The following SBF2 variants were observed in gnomAD, a reference collection of about 807,000 sequenced individuals.
The protein encoded by SBF2 is myotubularin-related protein 13.
A neutral mutation model predicts 225.2 loss-of-function variants in SBF2; 112 were observed. The observed-to-expected ratio is 0.50, with a 90% CI of 0.43 to 0.58. The LOEUF is 0.58. SBF2 is among the 20% of genes least tolerant of loss of function. SBF2 has a pLI of 0.00. For synonymous variants in SBF2, 763 were observed against 773.3 expected, an observed-to-expected ratio of 0.99 and a Z score of 0.22; for missense variants, 1,996 against 2,206.2, an observed-to-expected ratio of 0.90 and a Z score of 1.91.
intron 1 of SBF2, among the ~76,000 whole-genome samples, chr11:10,285,987 G>C (rs950976564): frequency 6.6e-6 from 1 of 152,138 alleles, no homozygotes; most frequent in Non-Finnish European, 1.5e-5. Context: ...CCACAAATGA[G>C]GTATGTTAAG....
intron 2 of SBF2, among the ~76,000 whole-genome samples, chr11:10,136,719 A>G (rs1309446507): frequency 6.6e-6 from 1 of 152,224 alleles, no homozygotes; most frequent in Non-Finnish European, 1.5e-5. Flanking sequence ...GAGTTAAACT[A>G]TAGGACACTC....
chr11:10,078,752 C>G (rs557647046), intron 2 of SBF2, among the ~76,000 whole-genome samples: 21 of 152,110 alleles, frequency 1.4e-4, no homozygotes, highest in Non-Finnish European at 2.9e-4. Flanking sequence ...AGGTTGTGCA[C>G]ATGTACCCCA....
chr11:10,261,006 T>C (rs1003006378), intron 1 of SBF2, among the ~76,000 whole-genome samples: 5 of 152,012 alleles, frequency 3.3e-5, no homozygotes, highest in African/African-American at 7.3e-5. Flanking sequence ...AATTATAAAA[T>C]AGGCAAATGA....
intron 9 of SBF2, among the ~76,000 whole-genome samples, chr11:9,994,950 T>C (rs1215586077): frequency 2.0e-5 from 3 of 151,222 alleles, no homozygotes; most frequent in Non-Finnish European, 4.4e-5. Context: ...GGCAGGAGAA[T>C]AGCTTGACCC....
intron 6 of SBF2, among the ~76,000 whole-genome samples, chr11:10,010,350 C>T (rs1007971179): frequency 1.3e-5 from 2 of 152,120 alleles, no homozygotes; most frequent in African/African-American, 4.8e-5. Flanking sequence ...AGATCTTCTT[C>T]TAGGGTTTTA....
intron 3 of SBF2, among the ~76,000 whole-genome samples, chr11:10,036,668 G>C (rs543348512): frequency 1.8e-4 from 27 of 152,202 alleles, no homozygotes; most frequent in Non-Finnish European, 2.9e-4. Context: ...ATCATTAAAG[G>C]CATAAGTGGG....
chr11:10,126,052 T>A (rs1270153443), intron 2 of SBF2, among the ~76,000 whole-genome samples: 1 of 152,208 alleles, frequency 6.6e-6, no homozygotes, highest in Non-Finnish European at 1.5e-5. Context: ...ACTTAGTTTT[T>A]AACAGTCCTT....
At chr11:10,049,996 T>G (rs921544230) in intron 2 of SBF2, among the ~76,000 whole-genome samples, 2 of 152,166 alleles carry the variant, frequency 1.3e-5, no homozygotes, top group African/African-American at 4.8e-5. Context: ...GCCTGCATCA[T>G]CAGTTCTACC....
At chr11:10,031,330 C>T (rs1949249001) in intron 3 of SBF2, among the ~76,000 whole-genome samples, 160 bp from the exon 4 acceptor site, 1 of 152,046 alleles carries the variant, frequency 6.6e-6, no homozygotes, top group Non-Finnish European at 1.5e-5. Flanking sequence ...ACTTTAAGAG[C>T]ATTCTAAAAG....
intron 1 of SBF2, among the ~76,000 whole-genome samples, chr11:10,275,179 C>T (rs571295603): frequency 1.9e-4 from 28 of 151,152 alleles, no homozygotes; most frequent in African/African-American, 5.6e-4. Flanking sequence ...GAAAGGAGAC[C>T]GAGAAAAGAG....
At chr11:9,955,830 G>A (rs570628258) in intron 16 of SBF2, among the ~76,000 whole-genome samples, 31 of 151,462 alleles carry the variant, frequency 2.0e-4, no homozygotes, top group Admixed American at 5.3e-4. Context: ...GTCCCGCAGA[G>A]GTAATTTTCT....
intron 30 of SBF2, among the ~76,000 whole-genome samples, chr11:9,811,879 G>A (rs1342239656): frequency 6.6e-6 from 1 of 152,126 alleles, no homozygotes; most frequent in Non-Finnish European, 1.5e-5. Context: ...TCTTTGGGAG[G>A]TCAAGGTGGG....
intron 2 of SBF2, among the ~76,000 whole-genome samples, chr11:10,146,516 C>T (rs1399200474): frequency 1.3e-5 from 2 of 152,136 alleles, no homozygotes; most frequent in Non-Finnish European, 2.9e-5. Flanking sequence ...AACTGGCTAG[C>T]CGTATGCAGA....
chr11:9,903,050 G>A (rs1179121994), intron 16 of SBF2, among the ~76,000 whole-genome samples: 1 of 152,186 alleles, frequency 6.6e-6, no homozygotes, highest in African/African-American at 2.4e-5. Flanking sequence ...GGCCGTGCGC[G>A]GTGACTCACG....
intron 2 of SBF2, among the ~76,000 whole-genome samples, chr11:10,147,129 A>T (rs1954925591): frequency 6.6e-6 from 1 of 152,186 alleles, no homozygotes; most frequent in Non-Finnish European, 1.5e-5. Context: ...AGGAGTGTAA[A>T]TTAGTTCAAC....
chr11:9,784,562 TA>T (rs1354072398), intron 37 of SBF2, 124 bp from the exon 38 acceptor site: 3 of 767,686 alleles, frequency 3.9e-6, no homozygotes, highest in Non-Finnish European at 6.7e-6. Flanking sequence ...AAATGGCCTA[TA>T]AGAGTTCTCC....
chr11:9,895,608 AC>A (rs200522152), intron 17 of SBF2, among the ~76,000 whole-genome samples: 11,568 of 152,212 alleles, frequency 0.076, 509 homozygotes, highest in East Asian at 0.1. Context: ...AAGAGGACAG[AC>A]AATATTCCAG....
intron 9 of SBF2, among the ~76,000 whole-genome samples, chr11:9,994,742 A>T (rs2134479939): frequency 6.6e-6 from 1 of 151,972 alleles, no homozygotes; most frequent in Non-Finnish European, 1.5e-5. Flanking sequence ...GTAATTAAAA[A>T]TTACTGAGGA....
intron 2 of SBF2, among the ~76,000 whole-genome samples, chr11:10,113,779 G>C (rs564760233): frequency 1.4e-5 from 2 of 147,498 alleles, no homozygotes; most frequent in Admixed American, 1.4e-4. Context: ...TGAGACTGGT[G>C]TTTCTCTTAC....
Sources: gnomAD v4.1 joint callset for allele counts (sites outside exome capture counted in the v4.1 genomes callset) on GRCh38, gnomAD v4.1.1 for gene constraint, MANE v1.5 for transcripts, NCBI Gene and HGNC (gene_info 2026-07-23, HGNC 2026-07-21) for gene names.